The following BTAF1 variants were observed in gnomAD, a reference collection of about 807,000 sequenced individuals.
The protein encoded by BTAF1 is B-TFIID TATA-box binding protein associated factor 1.
In BTAF1, 38 loss-of-function variants were observed where a neutral mutation model predicts 227.1. The ratio of observed to expected loss-of-function variants is 0.17; its 90% confidence interval spans 0.13 to 0.22. The LOEUF is 0.22. BTAF1 is among the 10% of genes least tolerant of loss of function. BTAF1 has a pLI of 1.00. For missense variants in BTAF1, 1,598 were observed against 2,204.0 expected (o/e 0.73, Z 5.51); for synonymous variants, 742 against 751.9 (o/e 0.99, Z 0.21).
At chr10:92,021,335 C>T (rs942227011) in intron 34 of BTAF1, among the ~76,000 whole-genome samples, 5 of 152,054 alleles carry the variant, frequency 3.3e-5, no homozygotes, top group Non-Finnish European at 5.9e-5. Context: ...TGTATTTTGA[C>T]TATGTGAGAC....
At chr10:91,990,680 C>G (rs1430684301) in intron 20 of BTAF1, among the ~76,000 whole-genome samples, 1 of 152,054 alleles carries the variant, frequency 6.6e-6, no homozygotes, top group Non-Finnish European at 1.5e-5. Context: ...TGTATCCCAG[C>G]TACTCGGGAG....
chr10:91,969,005 C>CA (rs1254774143), intron 14 of BTAF1, among the ~76,000 whole-genome samples: 1 of 150,894 alleles, frequency 6.6e-6, no homozygotes, highest in Non-Finnish European at 1.5e-5. Flanking sequence ...AGACTACAAG[C>CA]ACGCACCACC....
chr10:91,983,786 T>TA (rs755211912), intron 18 of BTAF1, among the ~76,000 whole-genome samples: 33 of 152,326 alleles, frequency 2.2e-4, no homozygotes, highest in Non-Finnish European at 4.3e-4. Context: ...TTAAAATTTA[T>TA]ATCCACTTTT....
intron 14 of BTAF1, among the ~76,000 whole-genome samples, chr10:91,969,476 T>C (rs570308526): frequency 1.3e-5 from 2 of 152,300 alleles, no homozygotes; most frequent in Admixed American, 1.3e-4. Context: ...TACTGTTTAT[T>C]ATAGCATACT....
At chr10:91,927,647 G>A (rs899884784) in intron 1 of BTAF1, among the ~76,000 whole-genome samples, 1 of 152,124 alleles carries the variant, frequency 6.6e-6, no homozygotes, top group African/African-American at 2.4e-5. Flanking sequence ...GAATGATTTT[G>A]CTTCTTGCTT....
intron 2 of BTAF1, among the ~76,000 whole-genome samples, chr10:91,938,363 C>G (rs1844774099): frequency 6.6e-6 from 1 of 152,142 alleles, no homozygotes; most frequent in South Asian, 2.1e-4. Context: ...AGATTTACCC[C>G]TAAGTTCTCC....
intron 6 of BTAF1, among the ~76,000 whole-genome samples, chr10:91,954,416 A>G (rs1485919762): frequency 1.3e-5 from 2 of 152,198 alleles, no homozygotes; most frequent in African/African-American, 4.8e-5. Context: ...CTGTGTGGGT[A>G]AAGTCACTGT....
At chr10:91,997,311 C>A in intron 24 of BTAF1, 2 of 525,950 alleles carry the variant, frequency 3.8e-6, no homozygotes, top group Non-Finnish European at 6.0e-6. Context: ...ACGCTTGTAG[C>A]AATTTCTCTA....
chr10:91,925,336 A>T (rs561356003), intron 1 of BTAF1, among the ~76,000 whole-genome samples: 7 of 152,322 alleles, frequency 4.6e-5, no homozygotes, highest in African/African-American at 1.7e-4. Context: ...GCATGAATAT[A>T]TACATTGTAA....
chr10:91,984,176 C>G (rs1219269992), intron 18 of BTAF1, 25 bp from the exon 19 acceptor site: 2 of 1,596,488 alleles, frequency 1.3e-6, no homozygotes, highest in Non-Finnish European at 1.7e-6. Flanking sequence ...TACAGTTACC[C>G]TATTTGTTTT....
Position 91,989,148 on chromosome 10 carries a change from TA to T in BTAF1, c.2428-4del, listed in dbSNP as rs1306160918. On this transcript the variant is annotated splice_region_variant and splice_polypyrimidine_tract_variant and intron_variant, in intron 19 of 37. Transcript: ENST00000265990. ...AATGATTTTTAATTTCTTTTTTTTT[TA>T]ATAGGTCACTACTGTTTTTAATGAA... The T allele has an allele frequency of 6.3e-7, 1 of 1,588,690 alleles. No individual in the cohort carries two copies. The highest frequency in any genetic ancestry group is 8.6e-7 in the Non-Finnish European group (1 of 1,169,084).
At chr10:91,977,436 G>A (rs1449327303) in intron 14 of BTAF1, among the ~76,000 whole-genome samples, 1 of 151,754 alleles carries the variant, frequency 6.6e-6, no homozygotes, top group Non-Finnish European at 1.5e-5. Context: ...TTTCTTTTTA[G>A]TGAATAATAC....
intron 34 of BTAF1, among the ~76,000 whole-genome samples, chr10:92,024,529 A>T (rs1851353363): frequency 6.6e-6 from 1 of 152,104 alleles, no homozygotes; most frequent in Non-Finnish European, 1.5e-5. Context: ...TATAAAAAAA[A>T]TTAAATGAAA....
chr10:91,952,462 C>A (rs1305131419), intron 5 of BTAF1, among the ~76,000 whole-genome samples: 2 of 152,134 alleles, frequency 1.3e-5, no homozygotes, highest in Non-Finnish European at 2.9e-5. Flanking sequence ...ACATCTCAAG[C>A]GGTTCAGTAC....
At chr10:92,003,466 C>T (rs1436158608) in intron 25 of BTAF1, among the ~76,000 whole-genome samples, 1 of 152,182 alleles carries the variant, frequency 6.6e-6, no homozygotes, top group East Asian at 1.9e-4. Context: ...ATGAGTTTGA[C>T]ATTTTAGATT....
intron 4 of BTAF1, among the ~76,000 whole-genome samples, chr10:91,945,197 A>AT (rs1318887684): frequency 6.6e-6 from 1 of 151,790 alleles, no homozygotes; most frequent in Non-Finnish European, 1.5e-5. Flanking sequence ...CTAAGAGAAT[A>AT]TTTTCAAGGT....
intron 16 of BTAF1, 66 bp from the exon 17 acceptor site, chr10:91,982,017 T>G (rs1334412176): frequency 3.3e-6 from 5 of 1,511,274 alleles, no homozygotes; most frequent in Admixed American, 2.3e-5. Flanking sequence ...AATATCATAT[T>G]TTTGTTGTTG....
chr10:91,956,467 C>T (rs1229138615), intron 6 of BTAF1, 61 bp from the exon 7 acceptor site: 6 of 1,471,290 alleles, frequency 4.1e-6, no homozygotes, highest in Non-Finnish European at 5.5e-6. Context: ...TTATTCATTT[C>T]ATTCATTGTG....
intron 25 of BTAF1, among the ~76,000 whole-genome samples, chr10:92,001,357 C>G (rs1202519446): frequency 6.6e-6 from 1 of 152,182 alleles, no homozygotes; most frequent in Non-Finnish European, 1.5e-5. Flanking sequence ...ACTGTGACAT[C>G]TTTGAGACTG....
Sources: allele counts gnomAD v4.1 joint callset (sites outside exome capture counted in the v4.1 genomes callset), GRCh38; gene constraint gnomAD v4.1.1; transcripts MANE v1.5; gene names NCBI Gene and HGNC (gene_info 2026-07-23, HGNC 2026-07-21).